The following MNAT1 variants were observed in gnomAD, a reference collection of about 807,000 sequenced individuals.
The protein encoded by MNAT1 is MNAT1 component of CDK activating kinase.
In MNAT1, 43 loss-of-function variants were observed where a neutral mutation model predicts 42.0. The observed-to-expected ratio is 1.02, with a 90% CI of 0.80 to 1.32. The LOEUF (loss-of-function observed/expected upper bound fraction) is 1.32, where lower values mean the gene tolerates loss of function less well. Ranked by LOEUF, MNAT1 falls within the 40% of genes most tolerant of loss-of-function variation. The probability of loss-of-function intolerance (pLI) is 0.00; values close to 1 mark genes in which losing one functional copy is unlikely to be tolerated. For synonymous variants in MNAT1, 118 were observed against 120.0 expected (o/e 0.98, Z 0.11); for missense variants, 306 against 350.4 (o/e 0.87, Z 1.01).
At chr14:60,926,437 A>G (rs1172921459) in intron 7 of MNAT1, among the ~76,000 whole-genome samples, 4 of 152,230 alleles carry the variant, frequency 2.6e-5, no homozygotes, top group Non-Finnish European at 5.9e-5. Context: ...GTTCTTACCT[A>G]TACTTCCGAC....
At chr14:60,949,167 G>A (rs2036335599) in intron 7 of MNAT1, among the ~76,000 whole-genome samples, 1 of 151,962 alleles carries the variant, frequency 6.6e-6, no homozygotes. Context: ...TTTTGCAAAT[G>A]AGTCCAATTA....
chr14:60,780,467 C>G, intron 1 of MNAT1: 1 of 1,538,212 alleles, frequency 6.5e-7, no homozygotes. Context: ...TTTGGTTGTA[C>G]CTGAAAAATG....
At chr14:60,877,932 T>C (rs777643614) in intron 6 of MNAT1, among the ~76,000 whole-genome samples, 6 of 152,068 alleles carry the variant, frequency 3.9e-5, no homozygotes, top group Non-Finnish European at 7.4e-5. Context: ...TATGTGTGTG[T>C]GATGTGAAAT....
chr14:60,856,284 G>T (rs2033957038), intron 6 of MNAT1, among the ~76,000 whole-genome samples: 1 of 152,192 alleles, frequency 6.6e-6, no homozygotes, highest in Admixed American at 6.5e-5. Context: ...TGTTCATATG[G>T]AGAAAGTTTC....
chr14:60,936,186 T>G (rs2035991195), intron 7 of MNAT1, among the ~76,000 whole-genome samples: 1 of 152,178 alleles, frequency 6.6e-6, no homozygotes, highest in Non-Finnish European at 1.5e-5. Flanking sequence ...TAAACACTTG[T>G]GGGGCTGTTC....
intron 7 of MNAT1, among the ~76,000 whole-genome samples, chr14:60,949,239 A>G (rs948732275): frequency 2.6e-5 from 4 of 152,148 alleles, no homozygotes; most frequent in African/African-American, 9.6e-5. Context: ...CCTGTTGACT[A>G]ATTGTAGCGG....
At chr14:60,846,014 A>G (rs1266361436) in intron 6 of MNAT1, among the ~76,000 whole-genome samples, 1 of 152,030 alleles carries the variant, frequency 6.6e-6, no homozygotes, top group Non-Finnish European at 1.5e-5. Flanking sequence ...GGCTTTTATT[A>G]ATGAGAGGAT....
chr14:60,953,785 C>T (rs908147690), intron 7 of MNAT1, among the ~76,000 whole-genome samples: 3 of 152,044 alleles, frequency 2.0e-5, no homozygotes, highest in African/African-American at 7.2e-5. Flanking sequence ...CCTTGCGAAC[C>T]CTTGTTATAT....
intron 6 of MNAT1, among the ~76,000 whole-genome samples, chr14:60,866,062 T>A (rs577689637): frequency 1.3e-5 from 2 of 152,264 alleles, no homozygotes; most frequent in South Asian, 4.1e-4. Context: ...ATGCATTTAA[T>A]TTGCTTGAAT....
At chr14:60,892,707 T>G (rs1466896232) in intron 7 of MNAT1, among the ~76,000 whole-genome samples, 1 of 152,104 alleles carries the variant, frequency 6.6e-6, no homozygotes, top group African/African-American at 2.4e-5. Flanking sequence ...TGTTTATTTT[T>G]TAGTGCCACA....
chr14:60,872,206 G>T (rs2034340360), intron 6 of MNAT1, among the ~76,000 whole-genome samples: 6 of 152,072 alleles, frequency 3.9e-5, no homozygotes, highest in Admixed American at 3.9e-4. Context: ...AGAGAAGGAA[G>T]TACCTCTTAA....
intron 5 of MNAT1, among the ~76,000 whole-genome samples, chr14:60,814,830 C>G (rs1271769046): frequency 1.3e-5 from 2 of 152,146 alleles, no homozygotes; most frequent in Admixed American, 1.3e-4. Flanking sequence ...TAGCAACTTT[C>G]ATTAGTTCTT....
chr14:60,892,452 T>G (rs950578230), intron 7 of MNAT1, among the ~76,000 whole-genome samples: 2 of 152,146 alleles, frequency 1.3e-5, no homozygotes, highest in Non-Finnish European at 2.9e-5. Flanking sequence ...CCTTTTTCAT[T>G]CTTTTACTTT....
intron 6 of MNAT1, among the ~76,000 whole-genome samples, chr14:60,859,656 T>C (rs924620919): frequency 6.6e-6 from 1 of 152,206 alleles, no homozygotes; most frequent in Non-Finnish European, 1.5e-5. Flanking sequence ...GAAAAAAAGT[T>C]TCACAATTTT....
At chr14:60,904,976 C>CTTTTCTTTTTTTTT (rs2035162926) in intron 7 of MNAT1, among the ~76,000 whole-genome samples, 1 of 79,010 alleles carries the variant, frequency 1.3e-5, no homozygotes. Context: ...TCAGCAGTTC[C>CTTTTCTTTTTTTTT]TTTTTTTTTT....
At chr14:60,844,416 T>C (rs1402766367) in intron 6 of MNAT1, among the ~76,000 whole-genome samples, 2 of 152,070 alleles carry the variant, frequency 1.3e-5, no homozygotes, top group African/African-American at 4.8e-5. Context: ...TAGTTTTCAG[T>C]GGTTTGTGTT....
intron 7 of MNAT1, among the ~76,000 whole-genome samples, chr14:60,900,048 ATCTCTCTCTC>A (rs61149455): frequency 2.9e-4 from 40 of 136,412 alleles, no homozygotes; most frequent in African/African-American, 9.5e-4. Flanking sequence ...CTGTTTCCCC[ATCTCTCTCTC>A]TCTCTCTCTC....
At chr14:60,810,603 A>C (rs1223359295) in intron 4 of MNAT1, among the ~76,000 whole-genome samples, 1 of 151,998 alleles carries the variant, frequency 6.6e-6, no homozygotes, top group Non-Finnish European at 1.5e-5. Flanking sequence ...TGACCCAATG[A>C]TTATTTGAGT....
intron 1 of MNAT1, among the ~76,000 whole-genome samples, chr14:60,763,016 C>T (rs934315580): frequency 4.6e-5 from 7 of 152,030 alleles, no homozygotes; most frequent in African/African-American, 1.7e-4. Context: ...AGTACAACTT[C>T]TTAATTTTAA....
Sources: gnomAD v4.1 joint callset for allele counts (sites outside exome capture counted in the v4.1 genomes callset) on GRCh38, gnomAD v4.1.1 for gene constraint, MANE v1.5 for transcripts, NCBI Gene and HGNC (gene_info 2026-07-23, HGNC 2026-07-21) for gene names.